Variants in TARP observed in about 807,000 individuals in gnomAD.
At chr7:38,265,428 T>A in the TARP span, 1 of 1,612,242 alleles carries the variant, frequency 6.2e-7, no homozygotes, top group Non-Finnish European at 8.5e-7. Context: ...ATCTGTGTTC[T>A]TTGTCCAGTG....
chr7:38,273,485 C>A, the TARP span: 1 of 980,298 alleles, frequency 1.0e-6, no homozygotes, highest in Admixed American at 1.9e-5. Context: ...GGAGATTTCA[C>A]CATGATTAGT....
At chr7:38,272,555 A>G in the TARP span, among the ~76,000 whole-genome samples, 1 of 146,522 alleles carries the variant, frequency 6.8e-6, no homozygotes, top group South Asian at 2.2e-4. Flanking sequence ...AAAATGTTTA[A>G]ATAAAAATAT....
At chr7:38,264,462 G>A in the TARP span, among the ~76,000 whole-genome samples, 1 of 151,384 alleles carries the variant, frequency 6.6e-6, no homozygotes, top group African/African-American at 2.4e-5. Context: ...GTGGTGGCAG[G>A]CGCCTGCAAT....
the TARP span, among the ~76,000 whole-genome samples, chr7:38,271,129 A>G: frequency 1.1e-4 from 16 of 151,256 alleles, no homozygotes; most frequent in Admixed American, 8.0e-4. Context: ...GTGCTTGTAT[A>G]TTTTAATTTA....
At chr7:38,271,854 T>C in the TARP span, among the ~76,000 whole-genome samples, 1 of 151,200 alleles carries the variant, frequency 6.6e-6, no homozygotes, top group African/African-American at 2.4e-5. Context: ...AAAGGCAATA[T>C]TTCTCAACTG....
At chr7:38,269,521 A>G in the TARP span, 1 of 709,136 alleles carries the variant, frequency 1.4e-6, no homozygotes, top group Non-Finnish European at 2.6e-6. Flanking sequence ...CCACTGCCAA[A>G]GAGTTTCTTA....
the TARP span, among the ~76,000 whole-genome samples, chr7:38,273,368 A>G: frequency 5.0e-4 from 76 of 151,374 alleles, no homozygotes; most frequent in African/African-American, 1.8e-3. Context: ...TAAGGCCTCC[A>G]TCCTTTAGAG....
At chr7:38,269,712 T>C in the TARP span, among the ~76,000 whole-genome samples, 1 of 152,040 alleles carries the variant, frequency 6.6e-6, no homozygotes, top group Non-Finnish European at 1.5e-5. Context: ...GTTTTATTTG[T>C]CTAAAAACAG....
At chr7:38,262,363 C>T in the TARP span, 3 of 668,330 alleles carry the variant, frequency 4.5e-6, no homozygotes, top group Admixed American at 5.0e-5. Flanking sequence ...TGGTCTAATT[C>T]TGTGTAATTA....
chr7:38,270,520 T>C, the TARP span, among the ~76,000 whole-genome samples: 3 of 151,702 alleles, frequency 2.0e-5, no homozygotes, highest in Non-Finnish European at 2.9e-5. Context: ...GTGAGCCTTT[T>C]TCTAATCAGC....
chr7:38,271,539 T>G, the TARP span, among the ~76,000 whole-genome samples: 3 of 147,824 alleles, frequency 2.0e-5, no homozygotes, highest in African/African-American at 7.4e-5. Flanking sequence ...GGAATAGCAC[T>G]GGTAAAAGGA....
chr7:38,260,941 C>A, the TARP span, among the ~76,000 whole-genome samples: 16 of 151,916 alleles, frequency 1.1e-4, no homozygotes, highest in African/African-American at 3.9e-4. Context: ...TAGTCGCATT[C>A]TTTGTGCATA....
the TARP span, among the ~76,000 whole-genome samples, chr7:38,261,782 G>GA: frequency 6.8e-6 from 1 of 147,846 alleles, no homozygotes; most frequent in African/African-American, 2.5e-5. Flanking sequence ...TGAGGCAGGA[G>GA]AATCACTTGA....
At chr7:38,265,534 T>C in the TARP span, 2 of 1,612,258 alleles carry the variant, frequency 1.2e-6, no homozygotes, top group East Asian at 2.2e-5. Flanking sequence ...GTTGCTCTTC[T>C]TTTCTTGCCA....
chr7:38,272,800 C>A, the TARP span, among the ~76,000 whole-genome samples: 1 of 150,774 alleles, frequency 6.6e-6, no homozygotes, highest in Non-Finnish European at 1.5e-5. Context: ...CAGAAAATTA[C>A]AAATTATGAA....
chr7:38,270,728 C>A, the TARP span, among the ~76,000 whole-genome samples: 5 of 150,958 alleles, frequency 3.3e-5, no homozygotes, highest in Admixed American at 2.0e-4. Context: ...ATCTGCCTGA[C>A]CATGTCTGCT....
chr7:38,266,213 G>T, the TARP span, among the ~76,000 whole-genome samples: 1 of 151,530 alleles, frequency 6.6e-6, no homozygotes, highest in African/African-American at 2.4e-5. Flanking sequence ...CTCATGTTCT[G>T]CAATTTCGTG....
chr7:38,265,780 G>C, the TARP span: 7 of 872,860 alleles, frequency 8.0e-6, no homozygotes, highest in Non-Finnish European at 1.2e-5. Context: ...AAGAGAAGAT[G>C]CCATTGAGCT....
chr7:38,265,589 G>A, the TARP span: 1 of 1,612,032 alleles, frequency 6.2e-7, no homozygotes, highest in Non-Finnish European at 8.5e-7. Context: ...AGAAGACAAA[G>A]GTATGTTCCA....
Sources: allele counts gnomAD v4.1 joint callset (sites outside exome capture counted in the v4.1 genomes callset), GRCh38; gene constraint gnomAD v4.1.1; transcripts MANE v1.5.